Variants in PXDNL observed in about 807,000 individuals in gnomAD.
PXDNL encodes the protein probable oxidoreductase PXDNL.
In PXDNL, 145 loss-of-function variants were observed where a neutral mutation model predicts 150.8. The observed-to-expected ratio is 0.96, with a 90% CI of 0.84 to 1.10. The LOEUF (loss-of-function observed/expected upper bound fraction) is 1.10. PXDNL is among the 50% of genes least tolerant of loss of function. The probability of loss-of-function intolerance (pLI) is 0.00; values close to 1 mark genes in which losing one functional copy is unlikely to be tolerated. For missense variants in PXDNL, 2,087 were observed against 1,873.9 expected (o/e 1.11, Z -2.10); for synonymous variants, 757 against 725.7 (o/e 1.04, Z -0.69).
chr8:51,452,556 T>A (rs941098698), intron 10 of PXDNL, among the ~76,000 whole-genome samples: 1 of 152,150 alleles, frequency 6.6e-6, no homozygotes. Context: ...TTGTGCTTTG[T>A]GGGGGCCAAG....
rs771167047 is a variant in PXDNL, at chr8:51,411,312, T to G, written c.2000A>C (p.His667Pro). 12 of 1,580,098 alleles carry G rather than the reference T, an allele frequency of 7.6e-6. No homozygotes were observed. The highest frequency in any genetic ancestry group is 1.0e-5 in the Non-Finnish European group (12 of 1,166,102). The stretch of plus-strand genomic sequence containing the variant: ...ACGTTCCCGTATCAGCTGCAGCGTG[T>G]GCTCAAAAATCTCCCCTGCTCTTGC... The part of the protein sequence containing the change: ...EMARAGEIFE[H>P]TLQLIRERVK... Residue 667 changes from histidine (H) to proline (P), a missense_variant, in exon 16 of 23, where the codon CAC (histidine) becomes CCC (proline). Coordinates refer to ENST00000356297, the MANE Select transcript of PXDNL (RefSeq NM_144651.5).
At chr8:51,453,368 A>C (rs373485821) in intron 10 of PXDNL, 151 bp downstream of exon 10, 1 of 891,650 alleles carries the variant, frequency 1.1e-6, no homozygotes. Flanking sequence ...TTAACTTGAA[A>C]CAGATTAGCT....
At chr8:51,521,777 AG>A (rs1811669892) in intron 4 of PXDNL, among the ~76,000 whole-genome samples, 1 of 152,164 alleles carries the variant, frequency 6.6e-6, no homozygotes, top group Admixed American at 6.5e-5. Context: ...AAAGAAAAAA[AG>A]ATAAACTTAT....
chr8:51,415,907 A>C (rs1808787155), intron 14 of PXDNL, among the ~76,000 whole-genome samples: 1 of 152,208 alleles, frequency 6.6e-6, no homozygotes, highest in Non-Finnish European at 1.5e-5. Context: ...GATTATAAGA[A>C]AACAATACTA....
Position 51,349,526 on chromosome 8 carries a change from T to C in PXDNL, c.3902-3579A>G, listed in dbSNP as rs115926415. Among the ~76,000 whole-genome samples, 346 of 152,272 alleles carry C rather than the reference T, an allele frequency of 2.3e-3. 3 individuals carry two copies. The highest frequency in any genetic ancestry group is 7.7e-3 in the African/African-American group (320 of 41,544). ...ATACATTGGGTCTTACTCCTCACAT[T>C]CTCTGAGAAGAGCAGAAGAGAAGGG... is the stretch of plus-strand genomic sequence containing the variant. On this transcript the variant is annotated intron_variant, in intron 19 of 22. Transcript: ENST00000356297.
At chr8:51,394,147 C>T (rs1167448305) in intron 17 of PXDNL, among the ~76,000 whole-genome samples, 2 of 152,078 alleles carry the variant, frequency 1.3e-5, no homozygotes, top group African/African-American at 4.8e-5. Flanking sequence ...AAGAGATTTG[C>T]CTCAAACTAT....
At chr8:51,718,265 C>T (rs928996249) in intron 1 of PXDNL, among the ~76,000 whole-genome samples, 1 of 151,880 alleles carries the variant, frequency 6.6e-6, no homozygotes, top group African/African-American at 2.4e-5. Context: ...CATGTGGGGG[C>T]CAGGGACTGA....
chr8:51,601,526 A>G (rs1813720744), intron 2 of PXDNL, among the ~76,000 whole-genome samples: 1 of 151,898 alleles, frequency 6.6e-6, no homozygotes, highest in East Asian at 1.9e-4. Flanking sequence ...GTTTTATCTG[A>G]TATAAGAATA....
chr8:51,805,107 G>A (rs989174273), intron 1 of PXDNL, among the ~76,000 whole-genome samples: 1 of 151,810 alleles, frequency 6.6e-6, no homozygotes, highest in Non-Finnish European at 1.5e-5. Flanking sequence ...ACCACTGGGG[G>A]AAGTTTGAAT....
chr8:51,434,570 T>C (rs1009170700), intron 12 of PXDNL, among the ~76,000 whole-genome samples: 1 of 152,256 alleles, frequency 6.6e-6, no homozygotes, highest in African/African-American at 2.4e-5. Flanking sequence ...GTACTCAATA[T>C]ACATTAAATG....
At chr8:51,448,205 C>G (rs1809721795) in intron 11 of PXDNL, among the ~76,000 whole-genome samples, 1 of 152,250 alleles carries the variant, frequency 6.6e-6, no homozygotes, top group Non-Finnish European at 1.5e-5. Flanking sequence ...CAATCCTGTT[C>G]TGTTATGTGC....
chr8:51,474,879 T>C, intron 7 of PXDNL, 93 bp downstream of exon 7: 1 of 1,058,900 alleles, frequency 9.4e-7, no homozygotes, highest in South Asian at 2.8e-5. Context: ...GATAACACGT[T>C]CTTCTAAAAT....
chr8:51,669,753 G>C (rs190201740), intron 1 of PXDNL, among the ~76,000 whole-genome samples: 1 of 152,116 alleles, frequency 6.6e-6, no homozygotes, highest in African/African-American at 2.4e-5. Context: ...TTCCCTGACC[G>C]CTGGAATCCA....
intron 19 of PXDNL, among the ~76,000 whole-genome samples, chr8:51,358,692 C>T (rs1436518932): frequency 6.6e-6 from 1 of 152,126 alleles, no homozygotes; most frequent in Non-Finnish European, 1.5e-5. Flanking sequence ...ACAATGAGCT[C>T]ACAGGGATTT....
Position 51,408,133 on chromosome 8 carries a change from G to A in PXDNL, c.3491C>T (p.Ser1164Leu). 1 of 1,613,102 alleles carries A rather than the reference G, an allele frequency of 6.2e-7. No individual in the cohort carries two copies. The highest frequency in any genetic ancestry group is 1.1e-5 in the South Asian group (1 of 90,874). ...TTGAAGATCCTCAAAGTTCTTAACT[G>A]AAGTCAAATTACAGAAAACTCTGAA... is the stretch of plus-strand genomic sequence containing the variant. ...VDFRVFCNLT[S>L]VKNFEDLQNE... The change falls in exon 17 of 23, where the codon TCA becomes TTA. Residue 1164 changes from serine to leucine, a missense_variant. Coordinates refer to ENST00000356297, the MANE Select transcript of PXDNL (RefSeq NM_144651.5).
chr8:51,525,091 G>T (rs1811739932), intron 4 of PXDNL, among the ~76,000 whole-genome samples: 1 of 151,724 alleles, frequency 6.6e-6, no homozygotes, highest in South Asian at 2.1e-4. Context: ...TTTAAAAATT[G>T]CTAGCTAAGT....
chr8:51,769,156 T>C (rs1270767412), intron 1 of PXDNL, among the ~76,000 whole-genome samples: 1 of 152,256 alleles, frequency 6.6e-6, no homozygotes, highest in Non-Finnish European at 1.5e-5. Flanking sequence ...GCACATTTTC[T>C]ATTTGAGTCA....
intron 2 of PXDNL, among the ~76,000 whole-genome samples, chr8:51,620,212 T>A (rs1814219999): frequency 6.6e-6 from 1 of 152,202 alleles, no homozygotes; most frequent in East Asian, 1.9e-4. Context: ...GAATTGAGAA[T>A]AATAGCCAAA....
intron 1 of PXDNL, among the ~76,000 whole-genome samples, chr8:51,720,473 A>G (rs913420727): frequency 6.6e-6 from 1 of 152,182 alleles, no homozygotes; most frequent in African/African-American, 2.4e-5. Flanking sequence ...TGTTATTTAT[A>G]TGAATCACAT....
Sources: allele counts gnomAD v4.1 joint callset (sites outside exome capture counted in the v4.1 genomes callset), GRCh38; gene constraint gnomAD v4.1.1; transcripts MANE v1.5; gene names NCBI Gene and HGNC (gene_info 2026-07-23, HGNC 2026-07-21).